Variants in ABCG5 observed in about 807,000 individuals in gnomAD.
ABCG5 encodes ATP binding cassette subfamily G member 5.
A neutral mutation model predicts 64.5 loss-of-function variants in ABCG5; 64 were observed. The observed-to-expected ratio is 0.99, with a 90% CI of 0.81 to 1.22. The LOEUF (loss-of-function observed/expected upper bound fraction) is 1.22. ABCG5 is among the 50% of genes most tolerant of loss of function. The pLI is 0.00. For missense variants in ABCG5, 908 were observed against 829.5 expected, an observed-to-expected ratio of 1.09 and a Z score of -1.16; for synonymous variants, 385 against 326.3, an observed-to-expected ratio of 1.18 and a Z score of -1.94.
Position 43,817,222 on chromosome 2 carries a change from C to T in ABCG5, c.1650-2633G>A, listed in dbSNP as rs373952714. On this transcript the variant is annotated intron_variant, in intron 11 of 12. Coordinates refer to ENST00000405322, the MANE Select transcript of ABCG5 (RefSeq NM_022436.3). ...ATTAACCACCAGGTATAGTGGCTCA[C>T]GCCTGTAATCCCAGCACCTTGGGAG... Among the ~76,000 whole-genome samples, 79 of 152,340 alleles carry T rather than the reference C, an allele frequency of 5.2e-4. 2 individuals carry two copies. The highest frequency in any genetic ancestry group is 1.8e-3 in the African/African-American group (73 of 41,574).
At chr2:43,821,447 G>A (rs17031678) in intron 10 of ABCG5, among the ~76,000 whole-genome samples, 4,551 of 152,228 alleles carry the variant, frequency 0.03, 227 homozygotes, top group African/African-American at 0.1. Context: ...TACTCAAAAT[G>A]GTTTCGCTCC....
At chr2:43,811,852 C>T (rs142940815), downstream of ABCG5, among the ~76,000 whole-genome samples, 1,402 of 152,248 alleles carry the variant, frequency 9.2e-3, 22 homozygotes, top group African/African-American at 0.033. Context: ...CCTCGGCCTC[C>T]CAAAGTGCTG....
intron 2 of ABCG5, among the ~76,000 whole-genome samples, chr2:43,835,757 G>T (rs4953020): frequency 0.38 from 57,299 of 151,770 alleles, 11,739 homozygotes; most frequent in East Asian, 0.84. Context: ...GCAAGGTTAG[G>T]GTGAGAAAAT....
At chr2:43,832,280 G>A (rs528920674) in intron 2 of ABCG5, 197 bp from the exon 3 acceptor site, 4 of 684,022 alleles carry the variant, frequency 5.8e-6, no homozygotes, top group South Asian at 5.5e-5. Context: ...AGTCTCACGC[G>A]CAAGTGAGTC....
intron 4 of ABCG5, among the ~76,000 whole-genome samples, chr2:43,828,791 C>A (rs1367335818): frequency 1.3e-5 from 2 of 152,010 alleles, no homozygotes; most frequent in Non-Finnish European, 2.9e-5. Flanking sequence ...CACGGTGAAA[C>A]CCTGTCTGTT....
intron 4 of ABCG5, among the ~76,000 whole-genome samples, chr2:43,830,645 A>T (rs1306734201): frequency 6.6e-6 from 1 of 152,260 alleles, no homozygotes; most frequent in Non-Finnish European, 1.5e-5. Flanking sequence ...GGATTTGCTC[A>T]GAAATGACTC....
chr2:43,834,457 T>G (rs1379606584), intron 2 of ABCG5, among the ~76,000 whole-genome samples: 1 of 152,230 alleles, frequency 6.6e-6, no homozygotes, highest in Non-Finnish European at 1.5e-5. Context: ...CCATAGACAT[T>G]CTGAGAGATC....
downstream of ABCG5, among the ~76,000 whole-genome samples, chr2:43,808,666 GC>G (rs1227894424): frequency 1.3e-5 from 2 of 152,172 alleles, no homozygotes; most frequent in Non-Finnish European, 2.9e-5. Context: ...AAATTCAAGA[GC>G]TATAGATAGA....
intron 7 of ABCG5, 189 bp downstream of exon 7, chr2:43,824,700 T>G: frequency 2.1e-6 from 2 of 940,604 alleles, no homozygotes; most frequent in Non-Finnish European, 1.3e-6. Context: ...TTGAGAGAGA[T>G]CCCTGACCTC....
In ABCG5 at chr2:43,826,395, G is replaced by C. The variant is rs142019608; in HGVS notation, c.761C>G (p.Ser254Cys). 6.2e-6 allele frequency: 10 copies of C among 1,613,912 alleles called. No homozygotes were observed. The African/African-American group carries it at 6.7e-5, about 11-fold the overall frequency. Residue 254 changes from serine (S) to cysteine (C), a missense_variant, in exon 6 of 13, where the codon TCT (serine) becomes TGT (cysteine). Physicochemically the swap from Ser to Cys is moderately radical, Grantham distance 112. Coordinates refer to ENST00000405322, the MANE Select transcript of ABCG5 (RefSeq NM_022436.3). ...TGAACCTCTTACCTGAAAAAGCTCA[G>C]AACGGGGCTGGTGAATGGTGAGAAC... Reference protein sequence around the residue: ...IVVLTIHQPRSELFQLFDKIA... With the variant: ...IVVLTIHQPRCELFQLFDKIA...
rs1224712886 is a variant in ABCG5, at chr2:43,827,897, G to A, written c.634+86C>T. 4.6e-5 allele frequency: 73 copies of A among 1,579,850 alleles called. 2 individuals carry two copies. In the South Asian group the frequency reaches 7.8e-4, roughly 17 times the overall value. On this transcript the variant is annotated intron_variant, in intron 5 of 12. Coordinates refer to ENST00000405322, the MANE Select transcript of ABCG5 (RefSeq NM_022436.3). ...TGTACACAAACCCCTTTCCAAATGAGGACCGTGAAGAAAGGGCCCAAAGTA... is the reference window on the plus strand; with the variant it reads ...TGTACACAAACCCCTTTCCAAATGAAGACCGTGAAGAAAGGGCCCAAAGTA...
intron 10 of ABCG5, chr2:43,822,478 G>GCC (rs55983843): frequency 0.015 from 6,914 of 461,566 alleles, 141 homozygotes; most frequent in Admixed American, 0.024. Flanking sequence ...CCTCCCCCAG[G>GCC]CCCCCCCCCA....
At position 43,822,607 on chromosome 2, in the gene ABCG5, G is replaced by A. The variant is rs1667302064; in HGVS notation, c.1463+190C>T. 1.5e-5 allele frequency: 15 copies of A among 985,142 alleles called. No individual in the cohort carries two copies. The South Asian group carries it at 6.6e-4, about 43-fold the overall frequency. 61.0% of individuals were successfully genotyped at this position (985,142 alleles called of 1,614,324 possible). ...TTGTTGGTTTGTTCTCAGGTCTCCT[G>A]CAACCCACAGTTGGGCTATTTACAA... On this transcript the variant is annotated intron_variant, in intron 10 of 12. Coordinates refer to ENST00000405322, the MANE Select transcript of ABCG5 (RefSeq NM_022436.3).
rs772755197 is a variant in ABCG5, at chr2:43,837,805, CT to C, written c.265+28del. The C allele has an allele frequency of 6.2e-6, 10 of 1,613,242 alleles. No homozygotes were observed. The Admixed American group carries it at 1.5e-4, about 24-fold the overall frequency. ...TGTGGAGTTTAACTCAAGCCAAATCCTTTTTAGAATCCTCCTTCCCAAGCTT... is the reference window on the plus strand; with the variant it reads ...TGTGGAGTTTAACTCAAGCCAAATCCTTTTAGAATCCTCCTTCCCAAGCTT... On this transcript the variant is annotated intron_variant, in intron 2 of 12. Coordinates refer to ENST00000405322, the MANE Select transcript of ABCG5 (RefSeq NM_022436.3).
At chr2:43,823,362 C>T (rs1390339131) in intron 9 of ABCG5, among the ~76,000 whole-genome samples, 2 of 137,484 alleles carry the variant, frequency 1.5e-5, no homozygotes, top group African/African-American at 5.4e-5. Flanking sequence ...AGACACTTAG[C>T]ATTGCCCCTC....
At chr2:43,818,541 C>G (rs930422208) in intron 11 of ABCG5, among the ~76,000 whole-genome samples, 1 of 152,144 alleles carries the variant, frequency 6.6e-6, no homozygotes, top group Non-Finnish European at 1.5e-5. Flanking sequence ...TGAAATGGCA[C>G]CAGATTAACT....
intron 2 of ABCG5, among the ~76,000 whole-genome samples, chr2:43,833,740 A>G (rs1256596824): frequency 1.2e-4 from 18 of 151,950 alleles, no homozygotes; most frequent in Admixed American, 8.5e-4. Context: ...GCTGGAGTAC[A>G]GTGGCAAGAT....
chr2:43,839,016 A>G, upstream of ABCG5: 1 of 1,547,064 alleles, frequency 6.5e-7, no homozygotes, highest in Non-Finnish European at 8.7e-7. Flanking sequence ...GCTGGGTCTA[A>G]GAGAGCTGCA....
intron 11 of ABCG5, among the ~76,000 whole-genome samples, chr2:43,818,264 C>A (rs1249932834): frequency 6.6e-6 from 1 of 151,984 alleles, no homozygotes; most frequent in Non-Finnish European, 1.5e-5. Context: ...GCCAACATGG[C>A]GAAACCCCAT....
Sources: allele counts gnomAD v4.1 joint callset (sites outside exome capture counted in the v4.1 genomes callset), GRCh38; gene constraint gnomAD v4.1.1; transcripts MANE v1.5; gene names NCBI Gene and HGNC (gene_info 2026-07-23, HGNC 2026-07-21).